HERC6: variants seen among roughly 807,000 people sequenced by gnomAD.
The protein encoded by HERC6 is probable E3 ubiquitin-protein ligase HERC6.
A neutral mutation model predicts 114.5 loss-of-function variants in HERC6; 101 were observed. The ratio of observed to expected loss-of-function variants is 0.88; its 90% CI spans 0.75 to 1.04. The LOEUF (loss-of-function observed/expected upper bound fraction) is 1.04, where lower values mean the gene tolerates loss of function less well. Ranked by LOEUF, HERC6 falls within the 50% of genes least tolerant of loss-of-function variation. The pLI is 0.00. For missense variants in HERC6, 1,133 were observed against 1,230.9 expected (o/e 0.92, Z 1.19); for synonymous variants, 408 against 436.2 (o/e 0.94, Z 0.81).
chr4:88,408,656 G>A (rs756669482), intron 11 of HERC6, 39 bp downstream of exon 11: 20 of 1,297,332 alleles, frequency 1.5e-5, no homozygotes, highest in Middle Eastern at 1.8e-4. Context: ...GAACAAATAC[G>A]ATTGCAGTTT....
chr4:88,397,061 CA>C, intron 7 of HERC6, 74 bp downstream of exon 7: 2 of 1,371,028 alleles, frequency 1.5e-6, no homozygotes, highest in Non-Finnish European at 2.0e-6. Context: ...AGCTTCCTTT[CA>C]AAGGATCCTA....
At chr4:88,394,756 GCTGGTATCAAACTC>G (rs1316229804) in intron 5 of HERC6, among the ~76,000 whole-genome samples, 8 of 151,736 alleles carry the variant, frequency 5.3e-5, no homozygotes, top group Non-Finnish European at 1.2e-4. Flanking sequence ...TGTTGGCCAG[GCTGGTATCAAACTC>G]CTGACCTCAA....
At chr4:88,424,330 A>T (rs976226414) in intron 14 of HERC6, among the ~76,000 whole-genome samples, 1 of 152,124 alleles carries the variant, frequency 6.6e-6, no homozygotes, top group Non-Finnish European at 1.5e-5. Flanking sequence ...CTATCGAAAA[A>T]ATACAAATAC....
intron 5 of HERC6, among the ~76,000 whole-genome samples, chr4:88,395,614 A>G (rs1025809): frequency 0.09 from 13,706 of 152,190 alleles, 763 homozygotes; most frequent in East Asian, 0.23. Context: ...TATGAAACAC[A>G]TTATTAACTA....
chr4:88,407,501 G>C (rs1193584228), intron 10 of HERC6, among the ~76,000 whole-genome samples: 1 of 152,040 alleles, frequency 6.6e-6, no homozygotes, highest in African/African-American at 2.4e-5. Context: ...CCTGGCTTGA[G>C]CTATCCTTCC....
intron 8 of HERC6, among the ~76,000 whole-genome samples, chr4:88,402,760 G>A (rs749027898): frequency 2.6e-5 from 4 of 152,188 alleles, no homozygotes; most frequent in African/African-American, 4.8e-5. Flanking sequence ...GTCTCATGCT[G>A]TGCATTTGGG....
chr4:88,440,092 A>G, intron 21 of HERC6, 35 bp downstream of exon 21: 1 of 1,603,860 alleles, frequency 6.2e-7, no homozygotes, highest in Non-Finnish European at 8.5e-7. Context: ...ATTTTTCCGA[A>G]CAACTTCTAT....
At chr4:88,441,817 C>A (rs1304715007) in intron 22 of HERC6, among the ~76,000 whole-genome samples, 1 of 152,220 alleles carries the variant, frequency 6.6e-6, no homozygotes, top group Non-Finnish European at 1.5e-5. Flanking sequence ...GAGTTCACTT[C>A]TTCCCACCTG....
intron 4 of HERC6, among the ~76,000 whole-genome samples, chr4:88,391,210 T>C (rs796677928): frequency 3.9e-5 from 6 of 152,310 alleles, no homozygotes; most frequent in African/African-American, 1.4e-4. Flanking sequence ...CCCCAGCTTC[T>C]AAAGGCCACC....
intron 8 of HERC6, among the ~76,000 whole-genome samples, 172 bp from the exon 9 acceptor site, chr4:88,404,704 C>G (rs1735727684): frequency 6.6e-6 from 1 of 151,906 alleles, no homozygotes; most frequent in Non-Finnish European, 1.5e-5. Context: ...CAAAGTGGCC[C>G]AGGCTAGGAG....
At chr4:88,399,791 A>G (rs1367147686) in intron 8 of HERC6, 1 of 151,872 alleles carries the variant, frequency 6.6e-6, no homozygotes, top group Admixed American at 6.6e-5. Flanking sequence ...AAAAAATTGT[A>G]TTAGATAGTG....
At chr4:88,427,601 T>C (rs1015364798) in intron 15 of HERC6, among the ~76,000 whole-genome samples, 2 of 152,094 alleles carry the variant, frequency 1.3e-5, no homozygotes, top group African/African-American at 4.8e-5. Flanking sequence ...TTTCTTAGTA[T>C]ATAATGGTGG....
intron 17 of HERC6, among the ~76,000 whole-genome samples, chr4:88,432,522 C>G (rs1738330755): frequency 6.6e-6 from 1 of 151,982 alleles, no homozygotes; most frequent in African/African-American, 2.4e-5. Context: ...GAATTCGAGA[C>G]CAGCCTGGCC....
intron 1 of HERC6, among the ~76,000 whole-genome samples, chr4:88,380,937 G>A (rs1313569150): frequency 6.6e-6 from 1 of 151,800 alleles, no homozygotes; most frequent in Non-Finnish European, 1.5e-5. Context: ...CAGTATTTAT[G>A]CAACTCTGTA....
At position 88,406,397 on chromosome 4, in the gene HERC6, C is replaced by T. The variant is rs551207843; in HGVS notation, c.1274+784C>T. On this transcript the variant is annotated intron_variant, in intron 10 of 22. Coordinates refer to ENST00000264346, the MANE Select transcript of HERC6 (RefSeq NM_017912.4). ...ACTCACTTAACCCTTGTTGCTATTA[C>T]TTGCCGTTGTACAACCCTCTTGGCA... 6.6e-5 allele frequency among the ~76,000 whole-genome samples: 10 copies of T among 152,352 alleles called. No individual in the cohort carries two copies. In the South Asian group the frequency reaches 2.1e-3, roughly 32 times the overall value.
chr4:88,387,327 T>G (rs1734635159), intron 3 of HERC6, among the ~76,000 whole-genome samples: 1 of 152,090 alleles, frequency 6.6e-6, no homozygotes, highest in Admixed American at 6.5e-5. Context: ...AGCTCAGGAG[T>G]TTGAAGCTGC....
In HERC6 at chr4:88,408,631, C is replaced by A. The variant is rs757785446; in HGVS notation, c.1368+14C>A. On this transcript the variant is annotated intron_variant, in intron 11 of 22. Transcript: ENST00000264346. ...ATTTCTTCCATGGTAATAGCCAATA[C>A]TTACTTTAGATATAGAACAAATACG... The A allele has an allele frequency of 3.4e-6, 5 of 1,462,632 alleles. No individual in the cohort carries two copies. In the South Asian group the frequency reaches 3.6e-5, roughly 11 times the overall value. 90.6% of individuals were successfully genotyped at this position (1,462,632 alleles called of 1,614,324 possible).
intron 17 of HERC6, among the ~76,000 whole-genome samples, chr4:88,432,400 CAAAA>C (rs1235048258): frequency 1.9e-5 from 2 of 107,074 alleles, no homozygotes. Context: ...GACTCCGGCT[CAAAA>C]AAAAAAAAAG....
At chr4:88,430,093 C>T (rs750619035) in intron 16 of HERC6, among the ~76,000 whole-genome samples, 9 of 151,752 alleles carry the variant, frequency 5.9e-5, no homozygotes, top group Non-Finnish European at 8.8e-5. Context: ...GTCTATTGAT[C>T]GAAGCAGCAG....
Sources: allele counts gnomAD v4.1 joint callset (sites outside exome capture counted in the v4.1 genomes callset), GRCh38; gene constraint gnomAD v4.1.1; transcripts MANE v1.5; gene names NCBI Gene and HGNC (gene_info 2026-07-23, HGNC 2026-07-21).